RNF150: variants seen among roughly 807,000 people sequenced by gnomAD.
RNF150 encodes the protein ring finger protein 150.
In RNF150, 24 loss-of-function variants were observed where a neutral mutation model predicts 39.3. The observed-to-expected ratio is 0.61, with a 90% confidence interval of 0.44 to 0.86. The LOEUF is 0.86. Among genes scored for constraint, RNF150 ranks in the 40% least tolerant of loss-of-function variants. RNF150 has a pLI of 0.00. For synonymous variants in RNF150, 255 were observed against 227.3 expected (o/e 1.12, Z -1.10); for missense variants, 502 against 587.8 (o/e 0.85, Z 1.51).
intron 5 of RNF150, among the ~76,000 whole-genome samples, chr4:140,920,437 C>G (rs11100690): frequency 7.7e-6 from 1 of 130,470 alleles, no homozygotes; most frequent in Non-Finnish European, 1.6e-5. Context: ...CATGAAAAAA[C>G]GCTCACCATC....
chr4:140,918,555 C>T (rs12331743), intron 5 of RNF150, among the ~76,000 whole-genome samples: 83,367 of 151,374 alleles, frequency 0.55, 23,429 homozygotes, highest in East Asian at 0.89. Flanking sequence ...AGCTTACCAA[C>T]CAAAAAGAGT....
At chr4:140,973,092 G>T (rs1442939805) in intron 1 of RNF150, among the ~76,000 whole-genome samples, 1 of 152,120 alleles carries the variant, frequency 6.6e-6, no homozygotes, top group Non-Finnish European at 1.5e-5. Context: ...ACTCTTCTCA[G>T]AAGTTACAGA....
At chr4:140,887,160 T>C (rs1729606810) in intron 6 of RNF150, among the ~76,000 whole-genome samples, 1 of 152,216 alleles carries the variant, frequency 6.6e-6, no homozygotes, top group African/African-American at 2.4e-5. Context: ...CCAGGCTAAA[T>C]TACCACAGCT....
At chr4:141,019,484 C>G (rs1735403969) in intron 1 of RNF150, among the ~76,000 whole-genome samples, 1 of 151,936 alleles carries the variant, frequency 6.6e-6, no homozygotes, top group Non-Finnish European at 1.5e-5. Flanking sequence ...TAGAAAATCC[C>G]AGAACCAGAC....
intron 1 of RNF150, among the ~76,000 whole-genome samples, chr4:141,109,316 A>G (rs944516464): frequency 1.3e-5 from 2 of 152,076 alleles, no homozygotes; most frequent in Admixed American, 1.3e-4. Flanking sequence ...TCCGATTCAT[A>G]AAACATACTC....
At chr4:141,005,008 T>C (rs1052459278) in intron 1 of RNF150, among the ~76,000 whole-genome samples, 1 of 151,726 alleles carries the variant, frequency 6.6e-6, no homozygotes, top group African/African-American at 2.4e-5. Flanking sequence ...TCAGAGAGCG[T>C]TGGGGAGAAG....
chr4:140,942,312 G>A (rs1284360921), intron 4 of RNF150, among the ~76,000 whole-genome samples: 5 of 152,178 alleles, frequency 3.3e-5, no homozygotes, highest in African/African-American at 1.2e-4. Context: ...TGGGCCTGCA[G>A]AGCCAGTGAT....
chr4:140,913,466 T>G (rs141946084), intron 5 of RNF150, among the ~76,000 whole-genome samples: 96 of 152,266 alleles, frequency 6.3e-4, no homozygotes, highest in African/African-American at 2.2e-3. Flanking sequence ...ATTGTCCCTG[T>G]GCTCAGGATG....
intron 1 of RNF150, among the ~76,000 whole-genome samples, chr4:141,182,689 A>G (rs1167843239): frequency 1.9e-5 from 1 of 52,650 alleles, no homozygotes; most frequent in African/African-American, 7.7e-5. Context: ...GAGGACACAA[A>G]CAAATGGAAG....
chr4:141,196,257 TTC>T (rs1728199594), intron 1 of RNF150, among the ~76,000 whole-genome samples: 1 of 152,194 alleles, frequency 6.6e-6, no homozygotes, highest in African/African-American at 2.4e-5. Flanking sequence ...TTAAGGGGAT[TTC>T]TGTCTCCTCC....
In RNF150 at chr4:141,032,452, GTACA is replaced by G. The variant is rs1445429859; in HGVS notation, c.485-64583_485-64580del. 2.6e-5 allele frequency among the ~76,000 whole-genome samples: 4 copies of G among 152,284 alleles called. No individual in the cohort carries two copies. The East Asian group carries it at 7.7e-4, about 29-fold the overall frequency. On this transcript the variant is annotated intron_variant, in intron 1 of 6. Coordinates refer to ENST00000515673, the MANE Select transcript of RNF150 (RefSeq NM_020724.2). ...TTAAATGTTCTCACCACACTCGCAT[GTACA>G]TACATACACAAACGTAACTACTAAG...
chr4:141,056,041 A>T (rs148501728), intron 1 of RNF150, among the ~76,000 whole-genome samples: 1,695 of 152,292 alleles, frequency 0.011, 18 homozygotes, highest in South Asian at 0.028. Flanking sequence ...TTACATCAAG[A>T]GGGTAACTGT....
intron 6 of RNF150, among the ~76,000 whole-genome samples, chr4:140,910,524 G>A (rs916551341): frequency 6.6e-6 from 1 of 152,134 alleles, no homozygotes; most frequent in African/African-American, 2.4e-5. Context: ...TGAGATGGGG[G>A]AAAATACCCA....
At chr4:140,956,753 T>C (rs1308685009) in intron 2 of RNF150, among the ~76,000 whole-genome samples, 1 of 152,106 alleles carries the variant, frequency 6.6e-6, no homozygotes, top group African/African-American at 2.4e-5. Flanking sequence ...TAACACCACA[T>C]ATCTACAACT....
intron 1 of RNF150, among the ~76,000 whole-genome samples, chr4:141,003,418 T>A (rs556336045): frequency 3.4e-4 from 51 of 152,208 alleles, no homozygotes; most frequent in Middle Eastern, 3.4e-3. Context: ...GTCCATCGAG[T>A]GGACTGATGG....
chr4:140,984,685 A>C (rs542962918), intron 1 of RNF150, among the ~76,000 whole-genome samples: 1 of 152,202 alleles, frequency 6.6e-6, no homozygotes, highest in Admixed American at 6.6e-5. Flanking sequence ...TCTTTGCTTA[A>C]GTGACTTTCT....
intron 1 of RNF150, among the ~76,000 whole-genome samples, chr4:141,195,237 T>C (rs1226578985): frequency 6.6e-6 from 1 of 152,138 alleles, no homozygotes; most frequent in Non-Finnish European, 1.5e-5. Flanking sequence ...GTCTGCCCCT[T>C]TAAATGAACT....
chr4:141,066,512 A>G (rs144987362), intron 1 of RNF150, among the ~76,000 whole-genome samples: 3 of 152,316 alleles, frequency 2.0e-5, no homozygotes, highest in Non-Finnish European at 4.4e-5. Context: ...CACAAATACA[A>G]ATCTGTCTTG....
intron 1 of RNF150, among the ~76,000 whole-genome samples, chr4:141,122,108 T>A (rs1043641722): frequency 1.3e-5 from 2 of 152,030 alleles, no homozygotes. Context: ...TGAAAGAAAA[T>A]GAGCCCCAGA....
Sources: allele counts gnomAD v4.1 joint callset (sites outside exome capture counted in the v4.1 genomes callset), GRCh38; gene constraint gnomAD v4.1.1; transcripts MANE v1.5; gene names NCBI Gene and HGNC (gene_info 2026-07-23, HGNC 2026-07-21).